ELMO1: variants seen among roughly 807,000 people sequenced by gnomAD.
ELMO1 encodes the protein engulfment and cell motility protein 1.
A neutral mutation model predicts 98.9 loss-of-function variants in ELMO1; 26 were observed. The ratio of observed to expected loss-of-function variants is 0.26; its 90% CI spans 0.19 to 0.36. The LOEUF is 0.36. ELMO1 is among the 10% of genes least tolerant of loss of function. The pLI, the probability that ELMO1 is intolerant of heterozygous loss-of-function variation, is 1.00. For missense variants in ELMO1, 627 were observed against 935.2 expected (o/e 0.67, Z 4.30); for synonymous variants, 346 against 346.0 (o/e 1.00, Z 0.00).
chr7:36,942,361 A>C (rs553995620), intron 16 of ELMO1, among the ~76,000 whole-genome samples: 5 of 152,360 alleles, frequency 3.3e-5, no homozygotes, highest in Non-Finnish European at 7.3e-5. Context: ...TCCCTCAGCT[A>C]TATCTAGAAA....
At chr7:37,383,266 A>C (rs1802650386) in intron 1 of ELMO1, among the ~76,000 whole-genome samples, 1 of 152,222 alleles carries the variant, frequency 6.6e-6, no homozygotes, top group East Asian at 1.9e-4. Context: ...AGTTTGGGAT[A>C]GTTCTTCATT....
At chr7:37,182,270 C>T (rs17170908) in intron 13 of ELMO1, among the ~76,000 whole-genome samples, 87,192 of 151,886 alleles carry the variant, frequency 0.57, 25,548 homozygotes, top group East Asian at 0.66. Flanking sequence ...TTTTATACAC[C>T]GGCAGATACG....
chr7:36,901,605 T>C (rs182242328), intron 16 of ELMO1, among the ~76,000 whole-genome samples: 3 of 152,340 alleles, frequency 2.0e-5, no homozygotes, highest in South Asian at 4.1e-4. Context: ...CCTGGCTTTA[T>C]AGTTAGGCAG....
rs111666385 is a variant in ELMO1 at position 37,148,418 on chromosome 7, C to T, written c.1087-15184G>A. Reference sequence around the variant, plus strand: ...TTTTAAATTTACTCTTAGAAAAGGCCGTGTACTGCCAGGTATGTAATTCAT... The same window carrying T: ...TTTTAAATTTACTCTTAGAAAAGGCTGTGTACTGCCAGGTATGTAATTCAT... On this transcript the variant is annotated intron_variant, in intron 13 of 21. Transcript: ENST00000310758. 1.4e-3 allele frequency among the ~76,000 whole-genome samples: 209 copies of T among 152,198 alleles called. 1 individual carries two copies. The highest frequency in any genetic ancestry group is 4.7e-3 in the African/African-American group (194 of 41,514).
intron 15 of ELMO1, among the ~76,000 whole-genome samples, chr7:37,049,981 T>C (rs1029671067): frequency 2.0e-5 from 3 of 151,886 alleles, no homozygotes; most frequent in Admixed American, 6.6e-5. Flanking sequence ...GGTTTCTCCA[T>C]GTTGGTCAGG....
intron 14 of ELMO1, among the ~76,000 whole-genome samples, chr7:37,098,186 C>G (rs1449090319): frequency 2.0e-5 from 3 of 152,170 alleles, no homozygotes; most frequent in Non-Finnish European, 4.4e-5. Flanking sequence ...TTTGTCACCT[C>G]CACAGAATAT....
intron 15 of ELMO1, among the ~76,000 whole-genome samples, chr7:37,022,833 G>GAAAC (rs1794348255): frequency 6.6e-6 from 1 of 152,144 alleles, no homozygotes; most frequent in South Asian, 2.1e-4. Context: ...CAATCTAAAT[G>GAAAC]TCCATCCAGC....
intron 16 of ELMO1, among the ~76,000 whole-genome samples, chr7:36,926,442 G>A (rs961794529): frequency 2.6e-5 from 4 of 152,110 alleles, no homozygotes; most frequent in South Asian, 2.1e-4. Flanking sequence ...GTATTGCAGC[G>A]TTAGGGCAAA....
chr7:37,151,564 G>C (rs1005216422), intron 13 of ELMO1, among the ~76,000 whole-genome samples: 1 of 152,042 alleles, frequency 6.6e-6, no homozygotes, highest in Non-Finnish European at 1.5e-5. Flanking sequence ...CATTTTTGAC[G>C]TACAAAAATG....
chr7:37,376,172 C>T (rs1330674266), intron 1 of ELMO1: 2 of 253,502 alleles, frequency 7.9e-6, no homozygotes, highest in African/African-American at 4.5e-5. Flanking sequence ...TAGAATTATA[C>T]CTTTGATCAC....
chr7:36,978,970 A>G (rs1187067628), intron 16 of ELMO1, among the ~76,000 whole-genome samples: 1 of 152,232 alleles, frequency 6.6e-6, no homozygotes, highest in African/African-American at 2.4e-5. Context: ...TAGAGTCAAT[A>G]AGATCTATAT....
intron 13 of ELMO1, among the ~76,000 whole-genome samples, chr7:37,178,302 A>G (rs1318897221): frequency 1.3e-5 from 2 of 152,114 alleles, no homozygotes; most frequent in African/African-American, 2.4e-5. Context: ...TTACAAAACC[A>G]TCAGATCTTG....
intron 17 of ELMO1, among the ~76,000 whole-genome samples, chr7:36,889,059 G>A (rs537819430): frequency 1.8e-4 from 28 of 152,108 alleles, no homozygotes; most frequent in Non-Finnish European, 3.5e-4. Context: ...ACAGACTCAG[G>A]TTTTCCTTGT....
intron 14 of ELMO1, among the ~76,000 whole-genome samples, chr7:37,102,634 T>C (rs1178779964): frequency 1.2e-4 from 18 of 152,224 alleles, no homozygotes; most frequent in Non-Finnish European, 2.5e-4. Context: ...CAGGCCTTCT[T>C]TGAAGGGCTT....
intron 1 of ELMO1, among the ~76,000 whole-genome samples, chr7:37,381,408 G>C (rs1252762966): frequency 6.6e-6 from 1 of 152,172 alleles, no homozygotes; most frequent in African/African-American, 2.4e-5. Flanking sequence ...CAAAGGCAGA[G>C]TTTGAGAAGC....
intron 16 of ELMO1, among the ~76,000 whole-genome samples, chr7:36,898,178 G>A (rs1806187127): frequency 6.6e-6 from 1 of 152,218 alleles, no homozygotes; most frequent in South Asian, 2.1e-4. Flanking sequence ...TTATGTCTCT[G>A]TTAATGTTTC....
chr7:37,272,155 T>C (rs1796596122), intron 4 of ELMO1, among the ~76,000 whole-genome samples: 2 of 152,204 alleles, frequency 1.3e-5, no homozygotes, highest in African/African-American at 4.8e-5. Context: ...ATGACCTGAC[T>C]CCTACATTTC....
chr7:37,381,755 G>C (rs1477890356), intron 1 of ELMO1, among the ~76,000 whole-genome samples: 1 of 152,206 alleles, frequency 6.6e-6, no homozygotes, highest in African/African-American at 2.4e-5. Context: ...GTCTTCAACA[G>C]GGTTCCAGGA....
chr7:37,033,659 G>A (rs1212171265), intron 15 of ELMO1, among the ~76,000 whole-genome samples: 1 of 152,154 alleles, frequency 6.6e-6, no homozygotes, highest in Non-Finnish European at 1.5e-5. Flanking sequence ...GATGACAGAT[G>A]TTTCTGATAA....
Sources: gnomAD v4.1 joint callset for allele counts (sites outside exome capture counted in the v4.1 genomes callset) on GRCh38, gnomAD v4.1.1 for gene constraint, MANE v1.5 for transcripts, NCBI Gene and HGNC (gene_info 2026-07-23, HGNC 2026-07-21) for gene names.